SCPEP1: variants seen among roughly 807,000 people sequenced by gnomAD.
The protein encoded by SCPEP1 is retinoid-inducible serine carboxypeptidase.
SCPEP1 carries 51 observed loss-of-function variants against 63.8 expected under a neutral mutation model. The ratio of observed to expected loss-of-function variants is 0.80; its 90% confidence interval spans 0.64 to 1.01. The LOEUF is 1.01. Ranked by LOEUF, SCPEP1 falls within the 50% of genes least tolerant of loss-of-function variation. The probability of loss-of-function intolerance (pLI) is 0.00; values close to 1 mark genes in which losing one functional copy is unlikely to be tolerated. For missense variants in SCPEP1, 499 were observed against 554.9 expected (o/e 0.90, Z 1.01); for synonymous variants, 204 against 207.8 (o/e 0.98, Z 0.16).
At chr17:56,988,144 A>G in intron 4 of SCPEP1, 72 bp from the exon 5 acceptor site, 1 of 1,261,220 alleles carries the variant, frequency 7.9e-7, no homozygotes, top group East Asian at 2.3e-5. Flanking sequence ...TGCAATAGAA[A>G]TTTGAAATTA....
intron 1 of SCPEP1, among the ~76,000 whole-genome samples, chr17:56,979,257 C>T (rs1002542093): frequency 6.6e-6 from 1 of 152,236 alleles, no homozygotes; most frequent in Admixed American, 6.5e-5. Context: ...CCAAGTAGCC[C>T]GGACTGCAGA....
chr17:57,003,175 T>A (rs1260006685), intron 12 of SCPEP1, among the ~76,000 whole-genome samples: 4 of 151,820 alleles, frequency 2.6e-5, no homozygotes, highest in Non-Finnish European at 1.5e-5. Context: ...TGGAGAGCAG[T>A]GAATACAAGG....
intron 6 of SCPEP1, among the ~76,000 whole-genome samples, chr17:56,993,947 T>C (rs755137095): frequency 6.6e-6 from 1 of 152,214 alleles, no homozygotes; most frequent in Non-Finnish European, 1.5e-5. Context: ...TTTAAGAAAC[T>C]AAGAAACAAG....
chr17:56,991,737 T>A (rs1911406001), intron 6 of SCPEP1, among the ~76,000 whole-genome samples: 1 of 152,202 alleles, frequency 6.6e-6, no homozygotes, highest in African/African-American at 2.4e-5. Context: ...TCTGAAACAA[T>A]CATCCTGGTG....
chr17:57,000,384 C>G (rs2144506687), intron 10 of SCPEP1, among the ~76,000 whole-genome samples: 1 of 152,228 alleles, frequency 6.6e-6, no homozygotes, highest in East Asian at 1.9e-4. Context: ...ATTCATTTGG[C>G]TTTCCTGAGG....
intron 6 of SCPEP1, 111 bp from the exon 7 acceptor site, chr17:56,994,870 A>C: frequency 4.4e-5 from 39 of 886,578 alleles, no homozygotes; most frequent in Non-Finnish European, 7.1e-5. Context: ...ATCCAAAGCC[A>C]CCGGGTTTCT....
In SCPEP1 at chr17:57,000,959, AATG is replaced by A. The variant is rs774580429; in HGVS notation, c.1100_1102del (p.Asn367_Gly368delinsArg). ...GGCAGGGATCAACGTGACGGTGTAT[AATG>A]GACAGCTGGATCTCATCGTAGATAC... On this transcript the variant is annotated inframe_deletion, in exon 11 of 13. Coordinates refer to ENST00000262288, the MANE Select transcript of SCPEP1 (RefSeq NM_021626.3). The A allele has an allele frequency of 1.6e-5, 26 of 1,614,186 alleles. No homozygotes were observed. In the East Asian group the frequency reaches 3.6e-4, roughly 22 times the overall value.
chr17:57,006,075 C>G (rs1484410424), intron 12 of SCPEP1, 98 bp from the exon 13 acceptor site: 1 of 900,340 alleles, frequency 1.1e-6, no homozygotes, highest in Non-Finnish European at 1.7e-6. Context: ...TGTCACAGAG[C>G]TGGCTCCCTT....
rs1422895868 is a variant in SCPEP1, at chr17:56,988,198, A to T, written c.472-18A>T. On this transcript the variant is annotated intron_variant, in intron 4 of 12. Coordinates refer to ENST00000262288, the MANE Select transcript of SCPEP1 (RefSeq NM_021626.3). ...GCAATCAAGGTAGTTAATTCTGTGT[A>T]ATTCCTTTTCTTGCTAGACAGTTCC... is the stretch of plus-strand genomic sequence containing the variant. The T allele has an allele frequency of 3.5e-6, 5 of 1,429,146 alleles. No homozygotes were observed. Among genetic ancestry groups the T allele is most frequent in the Non-Finnish European group, 2.8e-6 (3 of 1,090,756 alleles). The allele number at this position is 1,429,146 out of a possible 1,614,324, so 88.5% of individuals were successfully genotyped here.
chr17:57,002,952 C>T (rs1033118382), intron 12 of SCPEP1, among the ~76,000 whole-genome samples: 5 of 151,902 alleles, frequency 3.3e-5, no homozygotes, highest in South Asian at 2.1e-4. Context: ...AACAAAATTC[C>T]GCTATTAGCA....
intron 8 of SCPEP1, among the ~76,000 whole-genome samples, chr17:56,996,370 A>G (rs1000059903): frequency 3.4e-5 from 5 of 148,890 alleles, no homozygotes; most frequent in Non-Finnish European, 7.4e-5. Flanking sequence ...GCACCCAGCT[A>G]ATTTTTGTAT....
rs1911053907 is a variant in SCPEP1 at position 56,981,083 on chromosome 17, A to G, written c.78A>G (p.Gly26=). 3.1e-6 allele frequency: 5 copies of G among 1,613,980 alleles called. No homozygotes were observed. Among genetic ancestry groups the G allele is most frequent in the African/African-American group, 1.3e-5 (1 of 74,906 alleles). ...LLPLLLGLNA[G]AVIDWPTEEG... Reference sequence around the variant, plus strand: ...AGTGAAATTGAACTTCTGTTTCAGGAGCTGTCATTGACTGGCCCACAGAGG... The same window carrying G: ...AGTGAAATTGAACTTCTGTTTCAGGGGCTGTCATTGACTGGCCCACAGAGG... The change falls in exon 2 of 13, where the codon GGA becomes GGG. Residue 26 remains glycine (G), a splice_region_variant and synonymous_variant. Coordinates refer to ENST00000262288, the MANE Select transcript of SCPEP1 (RefSeq NM_021626.3).
chr17:56,978,680 A>G (rs991483468), intron 1 of SCPEP1, among the ~76,000 whole-genome samples: 3 of 152,210 alleles, frequency 2.0e-5, no homozygotes, highest in African/African-American at 7.2e-5. Context: ...GATCAAAACA[A>G]ACAAGATAAC....
chr17:57,002,885 A>AG (rs998038929), intron 12 of SCPEP1, among the ~76,000 whole-genome samples: 3 of 151,690 alleles, frequency 2.0e-5, no homozygotes, highest in Admixed American at 2.0e-4. Flanking sequence ...AAAAAAAAAA[A>AG]AAAAAAGAAA....
chr17:57,000,707 A>G (rs1597922828), intron 10 of SCPEP1, 148 bp from the exon 11 acceptor site: 4 of 878,234 alleles, frequency 4.6e-6, no homozygotes, highest in South Asian at 3.2e-5. Context: ...AGTCGGCACA[A>G]ATTTCTGGGC....
chr17:57,005,751 C>T (rs1167011347), intron 12 of SCPEP1, among the ~76,000 whole-genome samples: 1 of 152,210 alleles, frequency 6.6e-6, no homozygotes, highest in Admixed American at 6.5e-5. Context: ...ATTTGCGGCT[C>T]TCTGCTGTGA....
At chr17:56,979,517 T>C (rs1911008865) in intron 1 of SCPEP1, among the ~76,000 whole-genome samples, 3 of 152,070 alleles carry the variant, frequency 2.0e-5, no homozygotes, top group Non-Finnish European at 4.4e-5. Context: ...AAAAAGATGC[T>C]ATAACTTGGA....
At chr17:56,990,204 A>G (rs2144487808) in intron 5 of SCPEP1, among the ~76,000 whole-genome samples, 1 of 152,362 alleles carries the variant, frequency 6.6e-6, no homozygotes, top group East Asian at 1.9e-4. Context: ...GTGACGGCAA[A>G]CAAAAGGGTT....
At chr17:56,985,905 A>T (rs1416773559) in intron 3 of SCPEP1, among the ~76,000 whole-genome samples, 3 of 151,112 alleles carry the variant, frequency 2.0e-5, no homozygotes, top group Non-Finnish European at 4.4e-5. Flanking sequence ...CCTCCCCCTC[A>T]TTCTTATCGT....
Sources: gnomAD v4.1 joint callset for allele counts (sites outside exome capture counted in the v4.1 genomes callset) on GRCh38, gnomAD v4.1.1 for gene constraint, MANE v1.5 for transcripts, NCBI Gene and HGNC (gene_info 2026-07-23, HGNC 2026-07-21) for gene names.